GRB10: variants seen among roughly 807,000 people sequenced by gnomAD.
GRB10 encodes the protein growth factor receptor-bound protein 10.
A neutral mutation model predicts 80.9 loss-of-function variants in GRB10; 20 were observed. The observed-to-expected ratio is 0.25, with a 90% CI of 0.17 to 0.36. The LOEUF (loss-of-function observed/expected upper bound fraction) is 0.36, where lower values mean the gene tolerates loss of function less well. Among genes scored for constraint, GRB10 ranks in the 10% least tolerant of loss-of-function variants. The pLI, the probability that GRB10 is intolerant of heterozygous loss-of-function variation, is 1.00. For missense variants in GRB10, 548 were observed against 747.7 expected (o/e 0.73, Z 3.12); for synonymous variants, 291 against 291.5 (o/e 1.00, Z 0.02).
At chr7:50,641,651 A>G (rs1371113795) in intron 7 of GRB10, among the ~76,000 whole-genome samples, 1 of 152,212 alleles carries the variant, frequency 6.6e-6, no homozygotes, top group African/African-American at 2.4e-5. Context: ...GAGGGGTGGA[A>G]CCATGAGTTC....
chr7:50,661,702 G>C (rs1479330771), intron 7 of GRB10, among the ~76,000 whole-genome samples: 1 of 152,148 alleles, frequency 6.6e-6, no homozygotes, highest in East Asian at 1.9e-4. Flanking sequence ...TCTGTTCTTG[G>C]CATCACACAC....
At chr7:50,641,090 A>T (rs1187334791) in intron 7 of GRB10, among the ~76,000 whole-genome samples, 1 of 151,902 alleles carries the variant, frequency 6.6e-6, no homozygotes, top group Non-Finnish European at 1.5e-5. Context: ...GCTGGGAACA[A>T]TTTTTTTGTC....
Position 50,732,198 on chromosome 7 carries a change from TGCTG to T in GRB10, c.51+70_51+73del, listed in dbSNP as rs1485870117. 9 of 1,462,214 alleles carry T rather than the reference TGCTG, an allele frequency of 6.2e-6. No individual in the cohort carries two copies. In the African/African-American group the frequency reaches 1.3e-4, roughly 20 times the overall value. 90.6% of individuals were successfully genotyped at this position (1,462,214 alleles called of 1,614,324 possible). On this transcript the variant is annotated intron_variant, in intron 4 of 18. Transcript: ENST00000401949. ...GAGAGCTACAGAAACGATCCATGGC[TGCTG>T]GCGACATGTGTGCCCTGGCCCTCGA... is the stretch of plus-strand genomic sequence containing the variant.
chr7:50,659,399 G>C (rs1013555097), intron 7 of GRB10, among the ~76,000 whole-genome samples: 3 of 152,134 alleles, frequency 2.0e-5, no homozygotes, highest in Non-Finnish European at 4.4e-5. Context: ...CTCAAACCAC[G>C]GAGAGCTGAG....
rs1243246333 is a variant in GRB10, at chr7:50,656,381, C to A, written c.504+13341G>T. Reference sequence around the variant, plus strand: ...CAGCTGAAAAAGACAGGATGTGTAACTACTGGAACAATACATGCTGGAGAT... The same window carrying A: ...CAGCTGAAAAAGACAGGATGTGTAAATACTGGAACAATACATGCTGGAGAT... On this transcript the variant is annotated intron_variant, in intron 7 of 18. Transcript: ENST00000401949. Among the ~76,000 whole-genome samples the A allele has an allele frequency of 3.9e-5, 6 of 152,312 alleles. No individual in the cohort carries two copies. The East Asian group carries it at 1.2e-3, about 29-fold the overall frequency.
chr7:50,595,288 C>T (rs1379014515), intron 18 of GRB10, 149 bp downstream of exon 18: 3 of 676,222 alleles, frequency 4.4e-6, no homozygotes, highest in Non-Finnish European at 8.0e-6. Context: ...AAAAGACAAA[C>T]CTGTAAAGAA....
intron 7 of GRB10, among the ~76,000 whole-genome samples, chr7:50,652,638 A>G (rs2282929): frequency 0.31 from 46,753 of 152,020 alleles, 7,605 homozygotes; most frequent in Middle Eastern, 0.5. Flanking sequence ...TGGGAGGAGA[A>G]GGATTCTGAG....
chr7:50,664,509 A>G (rs1185774059), intron 7 of GRB10, among the ~76,000 whole-genome samples: 2 of 152,044 alleles, frequency 1.3e-5, no homozygotes, highest in Non-Finnish European at 2.9e-5. Context: ...TTTACCCAGG[A>G]TTGTCTGGCA....
intron 9 of GRB10, among the ~76,000 whole-genome samples, 189 bp downstream of exon 9, chr7:50,618,981 C>A (rs139061685): frequency 1.3e-5 from 2 of 152,210 alleles, no homozygotes; most frequent in Admixed American, 1.3e-4. Flanking sequence ...GCCAGTCCCA[C>A]GCACATTTAG....
intron 7 of GRB10, among the ~76,000 whole-genome samples, chr7:50,643,847 C>T (rs529513570): frequency 6.6e-6 from 1 of 152,266 alleles, no homozygotes; most frequent in South Asian, 2.1e-4. Flanking sequence ...GAGATATTAA[C>T]AATTGGGGAA....
chr7:50,609,657 G>A (rs1334799222), intron 13 of GRB10, among the ~76,000 whole-genome samples: 1 of 152,194 alleles, frequency 6.6e-6, no homozygotes, highest in Non-Finnish European at 1.5e-5. Flanking sequence ...GTGTGGATGA[G>A]GCAAGACCTC....
chr7:50,619,968 A>T (rs1378468436), intron 8 of GRB10, among the ~76,000 whole-genome samples: 1 of 152,234 alleles, frequency 6.6e-6, no homozygotes, highest in Admixed American at 6.5e-5. Flanking sequence ...CCTTCACAGC[A>T]TCTTACATAG....
chr7:50,665,619 G>A (rs2237467), intron 7 of GRB10, among the ~76,000 whole-genome samples: 30,376 of 152,206 alleles, frequency 0.2, 3,920 homozygotes, highest in East Asian at 0.49. Context: ...CAGGGCGGGT[G>A]CCACCCCACG....
intron 7 of GRB10, among the ~76,000 whole-genome samples, chr7:50,648,781 G>C (rs1035180298): frequency 1.3e-5 from 2 of 152,144 alleles, no homozygotes; most frequent in Admixed American, 1.3e-4. Context: ...CTTATTGTTT[G>C]AAGTAGTCCC....
chr7:50,593,497 A>T (rs2046088228), intron 18 of GRB10, among the ~76,000 whole-genome samples: 1 of 151,874 alleles, frequency 6.6e-6, no homozygotes, highest in South Asian at 2.1e-4. Context: ...TCACTATACG[A>T]CCTCAGCCAA....
intron 5 of GRB10, 101 bp downstream of exon 5, chr7:50,703,720 T>A: frequency 1.2e-6 from 1 of 813,920 alleles, no homozygotes; most frequent in South Asian, 1.4e-5. Context: ...ATGTTAGAAT[T>A]GTAATCTATT....
At chr7:50,603,548 C>T (rs757285429) in intron 17 of GRB10, among the ~76,000 whole-genome samples, 1 of 152,184 alleles carries the variant, frequency 6.6e-6, no homozygotes, top group South Asian at 2.1e-4. Flanking sequence ...GCCAAGCTGG[C>T]CCAGGTGAGA....
At chr7:50,759,659 G>C (rs769469662) in intron 2 of GRB10, among the ~76,000 whole-genome samples, 1 of 152,102 alleles carries the variant, frequency 6.6e-6, no homozygotes, top group Non-Finnish European at 1.5e-5. Context: ...TTTTATCCAT[G>C]GTTAGTTGAA....
At chr7:50,640,641 CTA>C (rs1408611386) in intron 7 of GRB10, among the ~76,000 whole-genome samples, 2 of 152,224 alleles carry the variant, frequency 1.3e-5, no homozygotes, top group Non-Finnish European at 2.9e-5. Context: ...CCTCTCAAAC[CTA>C]TGAGGAGAGC....
Sources: gnomAD v4.1 joint callset for allele counts (sites outside exome capture counted in the v4.1 genomes callset) on GRCh38, gnomAD v4.1.1 for gene constraint, MANE v1.5 for transcripts, NCBI Gene and HGNC (gene_info 2026-07-23, HGNC 2026-07-21) for gene names.